KLHL32: variants seen among roughly 807,000 people sequenced by gnomAD.
KLHL32 encodes the protein kelch-like protein 32.
In KLHL32, 35 loss-of-function variants were observed where a neutral mutation model predicts 64.8. That is an observed-to-expected ratio of 0.54 (90% confidence interval 0.41 to 0.72). The LOEUF (loss-of-function observed/expected upper bound fraction) is 0.72, where lower values mean the gene tolerates loss of function less well. Among genes scored for constraint, KLHL32 ranks in the 30% least tolerant of loss-of-function variants. The pLI is 0.00. For missense variants in KLHL32, 589 were observed against 768.5 expected (o/e 0.77, Z 2.76); for synonymous variants, 259 against 281.0 (o/e 0.92, Z 0.78).
intron 2 of KLHL32, among the ~76,000 whole-genome samples, chr6:96,972,026 AT>A (rs1775171162): frequency 6.6e-6 from 1 of 151,872 alleles, no homozygotes. Flanking sequence ...TAATTTTTGT[AT>A]TTTTAGTAGA....
At chr6:97,069,628 T>A (rs1455534227) in intron 5 of KLHL32, among the ~76,000 whole-genome samples, 1 of 152,180 alleles carries the variant, frequency 6.6e-6, no homozygotes, top group East Asian at 1.9e-4. Context: ...ATACTGATTT[T>A]ATGCCTTATA....
At chr6:96,962,365 T>G (rs951008567) in intron 1 of KLHL32, among the ~76,000 whole-genome samples, 4 of 152,156 alleles carry the variant, frequency 2.6e-5, no homozygotes. Flanking sequence ...GGATGGTAAA[T>G]AATTTCAATT....
chr6:96,906,950 G>A, the KLHL32 span, among the ~76,000 whole-genome samples: 25 of 152,178 alleles, frequency 1.6e-4, no homozygotes, highest in Admixed American at 1.1e-3. Flanking sequence ...AAAATATGAC[G>A]TCTGTCTACA....
chr6:96,980,143 A>T (rs1343705334), intron 3 of KLHL32, among the ~76,000 whole-genome samples: 1 of 152,144 alleles, frequency 6.6e-6, no homozygotes, highest in Non-Finnish European at 1.5e-5. Context: ...TCCTATTTGG[A>T]TGCCTTTTAT....
intron 6 of KLHL32, among the ~76,000 whole-genome samples, chr6:97,092,078 C>G (rs1794339970): frequency 6.6e-6 from 1 of 151,836 alleles, no homozygotes; most frequent in Admixed American, 6.6e-5. Context: ...CAACCTCCGC[C>G]TCCCGAGTTC....
At chr6:96,973,606 T>C (rs916288165) in intron 2 of KLHL32, among the ~76,000 whole-genome samples, 1 of 152,144 alleles carries the variant, frequency 6.6e-6, no homozygotes, top group African/African-American at 2.4e-5. Flanking sequence ...TGTCATGTTG[T>C]TCTGTTCATG....
chr6:96,913,281 A>T, the KLHL32 span, among the ~76,000 whole-genome samples: 3 of 152,188 alleles, frequency 2.0e-5, no homozygotes, highest in African/African-American at 7.2e-5. Context: ...TAATTAGACA[A>T]ATTATGGTCT....
intron 1 of KLHL32, among the ~76,000 whole-genome samples, chr6:96,958,447 A>G (rs1773508023): frequency 6.6e-6 from 1 of 152,192 alleles, no homozygotes. Context: ...TAAACAGTGA[A>G]GATGGCAGTT....
At chr6:97,042,926 C>T (rs1208045824) in intron 4 of KLHL32, among the ~76,000 whole-genome samples, 4 of 152,338 alleles carry the variant, frequency 2.6e-5, no homozygotes, top group South Asian at 2.1e-4. Flanking sequence ...GGCTGATGCT[C>T]TCCCTCAGGG....
Position 97,064,677 on chromosome 6 carries a change from A to G in KLHL32, c.362A>G (p.His121Arg), listed in dbSNP as rs1487667096. ...CAGGATGTGCTAGCAGCGGGCAGTC[A>G]CCTACAGCTGTTGGAGCTTCTCAAT... ...VIQDVLAAGS[H>R]LQLLELLNLC... Residue 121 changes from histidine (H) to arginine (R), a missense_variant, in exon 5 of 11, where the codon CAC (histidine) becomes CGC (arginine). Physicochemically the swap from His to Arg is conservative, Grantham distance 29. Transcript: ENST00000369261. 1 of 1,614,184 alleles carries G rather than the reference A, an allele frequency of 6.2e-7. No homozygotes were observed. Among genetic ancestry groups the G allele is most frequent in the Non-Finnish European group, 8.5e-7 (1 of 1,180,028 alleles).
intron 3 of KLHL32, among the ~76,000 whole-genome samples, chr6:97,031,341 A>C (rs556215144): frequency 1.4e-5 from 2 of 147,308 alleles, no homozygotes; most frequent in Non-Finnish European, 1.5e-5. Flanking sequence ...AGTTTTTAAC[A>C]TTTTTTTTTT....
chr6:97,086,495 AATGGCT>A (rs1793432744), intron 6 of KLHL32, among the ~76,000 whole-genome samples: 1 of 152,174 alleles, frequency 6.6e-6, no homozygotes, highest in Admixed American at 6.5e-5. Flanking sequence ...GGCCTGAAAG[AATGGCT>A]ATTATCACTG....
chr6:96,901,954 A>G, the KLHL32 span, among the ~76,000 whole-genome samples: 3 of 152,194 alleles, frequency 2.0e-5, no homozygotes, highest in Non-Finnish European at 4.4e-5. Context: ...CATGGTGTAT[A>G]TGTACCACAT....
intron 3 of KLHL32, among the ~76,000 whole-genome samples, chr6:96,988,902 A>G (rs1196564265): frequency 1.3e-5 from 2 of 152,170 alleles, no homozygotes; most frequent in Non-Finnish European, 2.9e-5. Context: ...GGAATTGAAC[A>G]ATGAGAACAC....
rs1162098109 is a variant in KLHL32 at position 97,067,848 on chromosome 6, C to T, written c.411+3122C>T. On this transcript the variant is annotated intron_variant, in intron 5 of 10. Transcript: ENST00000369261. ...CTGGCTTCATCTCCAGCCACTGTGC[C>T]TTTCCTAGCCTGCTTTGTTCTGGGC... Among the ~76,000 whole-genome samples the T allele has an allele frequency of 3.9e-5, 6 of 152,302 alleles. No individual in the cohort carries two copies. The East Asian group carries it at 9.7e-4, about 25-fold the overall frequency.
chr6:97,012,703 T>C (rs886432655), intron 3 of KLHL32, among the ~76,000 whole-genome samples: 8 of 152,224 alleles, frequency 5.3e-5, no homozygotes, highest in Admixed American at 2.0e-4. Context: ...AATCCTGGTC[T>C]CATAGTGCCA....
chr6:97,020,167 T>C lies in KLHL32; in HGVS notation c.205-21325T>C, dbSNP rs559545487. ...CGTGTTGGCCAGGCTGGTCTCAAAC[T>C]CCTGACCTCATGATCCACCCGCTTC... On this transcript the variant is annotated intron_variant, in intron 3 of 10. Coordinates refer to ENST00000369261, the MANE Select transcript of KLHL32 (RefSeq NM_052904.4). Among the ~76,000 whole-genome samples, 539 of 150,078 alleles carry C rather than the reference T, an allele frequency of 3.6e-3. 2 individuals carry two copies. Among genetic ancestry groups the C allele is most frequent in the Non-Finnish European group, 4.2e-3 (285 of 68,002 alleles).
chr6:97,100,799 C>CTTTTTT (rs763909891), intron 6 of KLHL32, among the ~76,000 whole-genome samples: 5 of 96,262 alleles, frequency 5.2e-5, no homozygotes, highest in Non-Finnish European at 1.0e-4. Context: ...GCTCATTATT[C>CTTTTTT]TTTTTTTTTT....
At chr6:97,099,970 T>A (rs973614463) in intron 6 of KLHL32, among the ~76,000 whole-genome samples, 1 of 151,756 alleles carries the variant, frequency 6.6e-6, no homozygotes, top group African/African-American at 2.4e-5. Context: ...CATGGTGAGA[T>A]CCCATCTCTA....
Sources: allele counts gnomAD v4.1 joint callset (sites outside exome capture counted in the v4.1 genomes callset), GRCh38; gene constraint gnomAD v4.1.1; transcripts MANE v1.5; gene names NCBI Gene and HGNC (gene_info 2026-07-23, HGNC 2026-07-21).